NAALADL2: variants seen among roughly 807,000 people sequenced by gnomAD.
NAALADL2 encodes inactive N-acetylated-alpha-linked acidic dipeptidase-like protein 2.
Under a neutral mutation model 87.2 loss-of-function variants are expected in NAALADL2, and 76 were observed. The observed-to-expected ratio is 0.87, with a 90% CI of 0.72 to 1.05. NAALADL2 has a LOEUF of 1.05. NAALADL2 is among the 50% of genes least tolerant of loss of function. The probability of loss-of-function intolerance (pLI) is 0.00; values close to 1 mark genes in which losing one functional copy is unlikely to be tolerated. For synonymous variants in NAALADL2, 354 were observed against 331.0 expected (o/e 1.07, Z -0.75); for missense variants, 1,089 against 945.8 (o/e 1.15, Z -1.99).
chr3:174,917,981 C>T (rs574668109), intron 1 of NAALADL2, among the ~76,000 whole-genome samples: 17 of 151,926 alleles, frequency 1.1e-4, no homozygotes, highest in African/African-American at 2.4e-4. Flanking sequence ...TTATAGTATA[C>T]GATTCATATT....
chr3:174,444,263 G>A (rs1354292138), intron 1 of NAALADL2, among the ~76,000 whole-genome samples: 2 of 152,096 alleles, frequency 1.3e-5, no homozygotes, highest in Non-Finnish European at 2.9e-5. Flanking sequence ...ATGAGAGAAG[G>A]AAAAGTGTGG....
intron 2 of NAALADL2, among the ~76,000 whole-genome samples, chr3:175,113,376 A>T (rs1057360298): frequency 1.3e-5 from 2 of 151,580 alleles, no homozygotes; most frequent in Admixed American, 6.6e-5. Context: ...GGCACAGTAC[A>T]CAAAACTGCT....
intron 10 of NAALADL2, among the ~76,000 whole-genome samples, chr3:175,598,588 G>A (rs1047817635): frequency 6.6e-5 from 10 of 152,050 alleles, no homozygotes; most frequent in Admixed American, 6.6e-4. Context: ...GTCATATTAA[G>A]TGACAGATCT....
At chr3:175,624,138 C>G (rs1490130767) in intron 10 of NAALADL2, among the ~76,000 whole-genome samples, 3 of 151,990 alleles carry the variant, frequency 2.0e-5, no homozygotes, top group Non-Finnish European at 4.4e-5. Flanking sequence ...AAAGAGATCT[C>G]TCTGTGACTC....
chr3:174,878,813 A>C (rs570020870), intron 1 of NAALADL2, among the ~76,000 whole-genome samples: 10 of 152,202 alleles, frequency 6.6e-5, no homozygotes, highest in South Asian at 2.1e-4. Context: ...TGAGATAAAA[A>C]AATCCTGTTA....
intron 3 of NAALADL2, among the ~76,000 whole-genome samples, chr3:174,814,299 G>T (rs988842402): frequency 6.6e-6 from 1 of 151,954 alleles, no homozygotes; most frequent in African/African-American, 2.4e-5. Context: ...AGTAGAGACA[G>T]GGTTTCACCT....
chr3:175,026,262 T>C (rs1022613910), intron 1 of NAALADL2, among the ~76,000 whole-genome samples: 1 of 152,030 alleles, frequency 6.6e-6, no homozygotes, highest in Admixed American at 6.6e-5. Context: ...TATTTTCGTG[T>C]AATCTCATGC....
At chr3:174,779,531 AGTCAT>A in intron 3 of NAALADL2, among the ~76,000 whole-genome samples, 1 of 152,182 alleles carries the variant, frequency 6.6e-6, no homozygotes, top group Admixed American at 6.5e-5. Context: ...TTGGTGTTTT[AGTCAT>A]GAAGTCTTTG....
At chr3:175,284,308 TACTG>T (rs1028109555) in intron 4 of NAALADL2, among the ~76,000 whole-genome samples, 7 of 151,934 alleles carry the variant, frequency 4.6e-5, no homozygotes, top group African/African-American at 1.7e-4. Flanking sequence ...TAGAAGTTGA[TACTG>T]ACAAAAGATG....
At chr3:175,401,869 C>A (rs1770604494) in intron 5 of NAALADL2, among the ~76,000 whole-genome samples, 1 of 152,032 alleles carries the variant, frequency 6.6e-6, no homozygotes, top group African/African-American at 2.4e-5. Flanking sequence ...TCCATGTAAG[C>A]ATAAAAGTCC....
At chr3:175,699,273 A>C (rs1738642512) in intron 11 of NAALADL2, among the ~76,000 whole-genome samples, 2 of 151,972 alleles carry the variant, frequency 1.3e-5, no homozygotes, top group East Asian at 1.9e-4. Context: ...AATACAAAGC[A>C]CTACATATAT....
chr3:174,794,636 G>C (rs9817784), intron 3 of NAALADL2, among the ~76,000 whole-genome samples: 5,736 of 152,118 alleles, frequency 0.038, 382 homozygotes, highest in African/African-American at 0.13. Context: ...AGACACTACG[G>C]CTCTTCCCAT....
intron 11 of NAALADL2, among the ~76,000 whole-genome samples, chr3:175,725,121 C>T (rs1583023353): frequency 6.6e-6 from 1 of 152,112 alleles, no homozygotes; most frequent in East Asian, 1.9e-4. Flanking sequence ...CCTGAAAATA[C>T]AATTTCTAAG....
intron 3 of NAALADL2, among the ~76,000 whole-genome samples, chr3:174,790,395 A>G (rs942866400): frequency 2.0e-5 from 3 of 152,150 alleles, no homozygotes; most frequent in Admixed American, 1.3e-4. Flanking sequence ...CATGCCTATA[A>G]TCCTAGCACT....
chr3:175,093,054 C>A (rs576655893), intron 1 of NAALADL2, among the ~76,000 whole-genome samples: 2 of 151,870 alleles, frequency 1.3e-5, no homozygotes, highest in African/African-American at 4.8e-5. Flanking sequence ...ATTATAAAAT[C>A]TACTACATGT....
chr3:174,845,088 A>C (rs1579173942), intron 3 of NAALADL2, among the ~76,000 whole-genome samples: 1 of 152,102 alleles, frequency 6.6e-6, no homozygotes, highest in Non-Finnish European at 1.5e-5. Context: ...TAATGGTATC[A>C]CTGAGATCCA....
At chr3:175,274,670 G>T (rs1753327910) in intron 4 of NAALADL2, among the ~76,000 whole-genome samples, 1 of 152,032 alleles carries the variant, frequency 6.6e-6, no homozygotes, top group Admixed American at 6.5e-5. Flanking sequence ...ATGACCTTAA[G>T]AAAATTACTT....
intron 9 of NAALADL2, among the ~76,000 whole-genome samples, chr3:175,523,703 G>C (rs1424024871): frequency 6.6e-6 from 1 of 152,156 alleles, no homozygotes; most frequent in Non-Finnish European, 1.5e-5. Context: ...TTTTGTCTAG[G>C]GTTAGACCGC....
chr3:174,778,720 T>G (rs1422757596), intron 3 of NAALADL2, among the ~76,000 whole-genome samples: 2 of 152,026 alleles, frequency 1.3e-5, no homozygotes, highest in Non-Finnish European at 2.9e-5. Flanking sequence ...TGAGTGAGAA[T>G]ATGTAGTGTC....
Sources: allele counts gnomAD v4.1 joint callset (sites outside exome capture counted in the v4.1 genomes callset), GRCh38; gene constraint gnomAD v4.1.1; transcripts MANE v1.5; gene names NCBI Gene and HGNC (gene_info 2026-07-23, HGNC 2026-07-21).